WDR70: variants seen among roughly 807,000 people sequenced by gnomAD.
WDR70 encodes WD repeat domain 70, also known as WD repeat-containing protein 70.
A neutral mutation model predicts 88.6 loss-of-function variants in WDR70; 53 were observed. That is an observed-to-expected ratio of 0.60 (90% CI 0.48 to 0.75). The LOEUF is 0.75. WDR70 is among the 30% of genes least tolerant of loss of function. The probability of loss-of-function intolerance (pLI) is 0.00; values close to 1 mark genes in which losing one functional copy is unlikely to be tolerated. For synonymous variants in WDR70, 280 were observed against 270.0 expected, an observed-to-expected ratio of 1.04 and a Z score of -0.36; for missense variants, 610 against 823.2, an observed-to-expected ratio of 0.74 and a Z score of 3.17.
At chr5:37,461,882 G>C (rs1423245179) in intron 7 of WDR70, among the ~76,000 whole-genome samples, 2 of 152,114 alleles carry the variant, frequency 1.3e-5, no homozygotes, top group African/African-American at 4.8e-5. Flanking sequence ...TGTGCCTGCT[G>C]CCTAATTTTT....
chr5:37,511,273 T>G (rs905753912), intron 8 of WDR70, among the ~76,000 whole-genome samples: 7 of 152,188 alleles, frequency 4.6e-5, no homozygotes, highest in African/African-American at 1.7e-4. Flanking sequence ...TTTGTATATT[T>G]ATTATATTAG....
chr5:37,727,869 C>T (rs1240370815), intron 17 of WDR70, among the ~76,000 whole-genome samples: 1 of 152,164 alleles, frequency 6.6e-6, no homozygotes, highest in African/African-American at 2.4e-5. Flanking sequence ...AGCCACTCCA[C>T]CTGGCCAGAA....
At chr5:37,703,475 G>A (rs768246136) in intron 13 of WDR70, among the ~76,000 whole-genome samples, 8 of 152,180 alleles carry the variant, frequency 5.3e-5, no homozygotes, top group African/African-American at 1.9e-4. Flanking sequence ...CATTGTTCCC[G>A]AAACCATGAA....
rs533373819 is a variant in WDR70, at chr5:37,500,144, T to C, written c.841-16370T>C. ...CAGTGTACCACTGTATATACCTTTG[T>C]GTACCCATAGCTTAGCTCCCACTTA... is the stretch of plus-strand genomic sequence containing the variant. On this transcript the variant is annotated intron_variant, in intron 8 of 17. Coordinates refer to ENST00000265107, the MANE Select transcript of WDR70 (RefSeq NM_018034.4). 3.9e-5 allele frequency among the ~76,000 whole-genome samples: 6 copies of C among 152,342 alleles called. No individual in the cohort carries two copies. In the East Asian group the frequency reaches 1.2e-3, roughly 29 times the overall value.
chr5:37,385,037 T>C (rs1015925023), intron 3 of WDR70, among the ~76,000 whole-genome samples: 1 of 152,200 alleles, frequency 6.6e-6, no homozygotes, highest in African/African-American at 2.4e-5. Context: ...AGGGAAACAC[T>C]TTACTTGCGT....
intron 10 of WDR70, among the ~76,000 whole-genome samples, chr5:37,696,559 A>G (rs962655772): frequency 2.6e-5 from 4 of 152,214 alleles, no homozygotes; most frequent in African/African-American, 9.6e-5. Flanking sequence ...TGTCATTACC[A>G]GCAGTGCCCC....
chr5:37,518,766 T>C (rs1305071318), intron 9 of WDR70, among the ~76,000 whole-genome samples: 1 of 150,862 alleles, frequency 6.6e-6, no homozygotes, highest in Non-Finnish European at 1.5e-5. Context: ...AGGATAATAG[T>C]GGAGAGAAGG....
chr5:37,677,490 G>A (rs975766517), intron 10 of WDR70, among the ~76,000 whole-genome samples: 11 of 152,070 alleles, frequency 7.2e-5, no homozygotes, highest in African/African-American at 2.7e-4. Context: ...GTTTCGTTAT[G>A]TACCCAGTAG....
chr5:37,566,776 A>G (rs552270376), intron 9 of WDR70, among the ~76,000 whole-genome samples: 33 of 152,196 alleles, frequency 2.2e-4, no homozygotes, highest in Non-Finnish European at 3.5e-4. Context: ...GTTTAATCCA[A>G]GGGTTGAGAG....
intron 10 of WDR70, among the ~76,000 whole-genome samples, chr5:37,653,130 T>C (rs1745454306): frequency 6.6e-6 from 1 of 152,234 alleles, no homozygotes; most frequent in Admixed American, 6.5e-5. Context: ...ACCTAGTTTC[T>C]TGAGAGTTTT....
chr5:37,455,287 C>G (rs942488371), intron 7 of WDR70, among the ~76,000 whole-genome samples: 5 of 148,568 alleles, frequency 3.4e-5, no homozygotes, highest in African/African-American at 9.9e-5. Flanking sequence ...CTCTGTTGCC[C>G]AGGCTGGAGT....
chr5:37,412,075 T>A (rs914456964), intron 5 of WDR70, among the ~76,000 whole-genome samples: 1 of 152,078 alleles, frequency 6.6e-6, no homozygotes, highest in African/African-American at 2.4e-5. Flanking sequence ...GTGGGAAGTA[T>A]CAGAGAAAAC....
At chr5:37,712,027 C>T (rs1191100892) in intron 13 of WDR70, among the ~76,000 whole-genome samples, 6 of 136,156 alleles carry the variant, frequency 4.4e-5, no homozygotes, top group Non-Finnish European at 7.6e-5. Flanking sequence ...GAGTCTCACT[C>T]GGTCACACAG....
intron 5 of WDR70, among the ~76,000 whole-genome samples, chr5:37,418,984 C>T (rs10070203): frequency 6.6e-6 from 1 of 151,534 alleles, no homozygotes; most frequent in Non-Finnish European, 1.5e-5. Context: ...GGCTGGTCTC[C>T]GACTTCTGGC....
At chr5:37,522,296 C>T (rs1448071801) in intron 9 of WDR70, among the ~76,000 whole-genome samples, 3 of 151,678 alleles carry the variant, frequency 2.0e-5, no homozygotes, top group Non-Finnish European at 4.4e-5. Flanking sequence ...ACAGTGAAAC[C>T]CTGTCTCTAT....
Position 37,390,935 on chromosome 5 carries a change from C to T in WDR70, c.176-1065C>T, listed in dbSNP as rs538198896. Among the ~76,000 whole-genome samples, 82 of 152,048 alleles carry T rather than the reference C, an allele frequency of 5.4e-4. 2 individuals are homozygous for T. In the South Asian group the frequency reaches 0.017, roughly 31 times the overall value. On this transcript the variant is annotated intron_variant, in intron 3 of 17. Transcript: ENST00000265107. ...TTCTCCATGTTGGTCAGGCTGGTCT[C>T]GAACTCCTGACCTCCAGTGATCCGC...
intron 9 of WDR70, among the ~76,000 whole-genome samples, chr5:37,589,423 G>GACATTT (rs1743463617): frequency 1.3e-5 from 2 of 151,938 alleles, no homozygotes; most frequent in Non-Finnish European, 2.9e-5. Context: ...TTTGACATCT[G>GACATTT]GTACAGGATT....
At chr5:37,528,052 A>G (rs939973959) in intron 9 of WDR70, among the ~76,000 whole-genome samples, 2 of 152,208 alleles carry the variant, frequency 1.3e-5, no homozygotes, top group Non-Finnish European at 2.9e-5. Context: ...TAGGTCAACC[A>G]TTTTGGAAAA....
At chr5:37,745,855 T>G (rs894839654) in intron 17 of WDR70, among the ~76,000 whole-genome samples, 1 of 151,426 alleles carries the variant, frequency 6.6e-6, no homozygotes, top group Non-Finnish European at 1.5e-5. Context: ...CCACTGTCAG[T>G]GTTAGATCAA....
Sources: allele counts gnomAD v4.1 joint callset (sites outside exome capture counted in the v4.1 genomes callset), GRCh38; gene constraint gnomAD v4.1.1; transcripts MANE v1.5; gene names NCBI Gene and HGNC (gene_info 2026-07-23, HGNC 2026-07-21).